Variants in CNTNAP2 observed in about 807,000 individuals in gnomAD.
The protein encoded by CNTNAP2 is contactin-associated protein-like 2.
A neutral mutation model predicts 155.2 loss-of-function variants in CNTNAP2; 98 were observed. The ratio of observed to expected loss-of-function variants is 0.63; its 90% CI spans 0.54 to 0.75. CNTNAP2 has a LOEUF of 0.75. Ranked by LOEUF, CNTNAP2 falls within the 30% of genes least tolerant of loss-of-function variation. The pLI, the probability that CNTNAP2 is intolerant of heterozygous loss-of-function variation, is 0.00. For synonymous variants in CNTNAP2, 651 were observed against 631.2 expected (o/e 1.03, Z -0.47); for missense variants, 1,727 against 1,688.1 (o/e 1.02, Z -0.40).
intron 1 of CNTNAP2, among the ~76,000 whole-genome samples, chr7:146,705,697 A>T (rs1356491728): frequency 6.6e-6 from 1 of 152,142 alleles, no homozygotes; most frequent in East Asian, 1.9e-4. Context: ...GTGGCAGGCA[A>T]GAGAGCTGTG....
chr7:148,011,962 T>A (rs1802089162), intron 15 of CNTNAP2, among the ~76,000 whole-genome samples: 1 of 152,226 alleles, frequency 6.6e-6, no homozygotes, highest in Non-Finnish European at 1.5e-5. Flanking sequence ...CCCAGGGCAC[T>A]TTCCTGTCCC....
At chr7:148,026,165 C>T (rs960083755) in intron 15 of CNTNAP2, among the ~76,000 whole-genome samples, 1 of 152,122 alleles carries the variant, frequency 6.6e-6, no homozygotes, top group Non-Finnish European at 1.5e-5. Flanking sequence ...TTAAAAAATA[C>T]TAGCCAGGTG....
chr7:148,081,779 G>A (rs1317230856), intron 15 of CNTNAP2, among the ~76,000 whole-genome samples: 1 of 152,040 alleles, frequency 6.6e-6, no homozygotes, highest in South Asian at 2.1e-4. Flanking sequence ...TGAGGCCTGA[G>A]GGGGTAGTAA....
At chr7:147,177,148 C>A (rs1034460008) in intron 8 of CNTNAP2, among the ~76,000 whole-genome samples, 3 of 151,168 alleles carry the variant, frequency 2.0e-5, no homozygotes, top group Non-Finnish European at 4.4e-5. Context: ...TACTCCTTTA[C>A]AAAGACCATA....
intron 12 of CNTNAP2, among the ~76,000 whole-genome samples, chr7:147,585,193 G>T (rs1424134087): frequency 6.6e-6 from 1 of 152,002 alleles, no homozygotes; most frequent in African/African-American, 2.4e-5. Context: ...TTACAGACCT[G>T]GGTTGGTTGG....
intron 8 of CNTNAP2, among the ~76,000 whole-genome samples, chr7:147,274,298 G>T (rs1040727743): frequency 1.3e-5 from 2 of 151,882 alleles, no homozygotes; most frequent in Admixed American, 6.6e-5. Context: ...CCTTTTCTCC[G>T]CATCCTTACC....
intron 1 of CNTNAP2, among the ~76,000 whole-genome samples, chr7:146,323,223 A>C (rs1801036501): frequency 6.6e-6 from 1 of 152,036 alleles, no homozygotes; most frequent in Non-Finnish European, 1.5e-5. Flanking sequence ...GTTGAAAGGT[A>C]TTTTCTTGAG....
chr7:146,427,777 G>T (rs973110172), intron 1 of CNTNAP2, among the ~76,000 whole-genome samples: 4 of 152,116 alleles, frequency 2.6e-5, no homozygotes, highest in African/African-American at 9.7e-5. Context: ...ACATGTACAG[G>T]TTATTCAGTT....
At position 147,279,523 on chromosome 7, in the gene CNTNAP2, G is replaced by A. The variant is rs985713012; in HGVS notation, c.1349-20618G>A. On this transcript the variant is annotated intron_variant, in intron 8 of 23. Transcript: ENST00000361727. ...ATCTAGCATCTGATTTCCATAAAAT[G>A]ATAACTTTGTCTTCTTCAGTATCAT... Among the ~76,000 whole-genome samples the A allele has an allele frequency of 4.0e-5, 6 of 151,654 alleles. No individual in the cohort carries two copies. The Admixed American group carries it at 4.0e-4, about 10-fold the overall frequency.
At chr7:146,236,193 A>C (rs1799470613) in intron 1 of CNTNAP2, among the ~76,000 whole-genome samples, 1 of 152,176 alleles carries the variant, frequency 6.6e-6, no homozygotes, top group Non-Finnish European at 1.5e-5. Context: ...ATTAAATAGA[A>C]GTAAGAGTCA....
intron 21 of CNTNAP2, among the ~76,000 whole-genome samples, chr7:148,367,699 A>C (rs769843061): frequency 6.6e-5 from 10 of 152,260 alleles, no homozygotes; most frequent in Non-Finnish European, 7.3e-5. Flanking sequence ...CCTAAGAGTC[A>C]TGATAACATA....
chr7:146,692,740 G>A (rs1401651761), intron 1 of CNTNAP2, among the ~76,000 whole-genome samples: 1 of 152,070 alleles, frequency 6.6e-6, no homozygotes, highest in East Asian at 1.9e-4. Flanking sequence ...CAAAGTTTCT[G>A]TAGCTATCTG....
chr7:147,100,991 G>A (rs1230235392), intron 4 of CNTNAP2, among the ~76,000 whole-genome samples: 1 of 152,192 alleles, frequency 6.6e-6, no homozygotes, highest in Non-Finnish European at 1.5e-5. Flanking sequence ...CTTTCTAGTG[G>A]TGAGGCTTAT....
chr7:146,722,702 C>T (rs558883374), intron 1 of CNTNAP2, among the ~76,000 whole-genome samples: 2 of 149,894 alleles, frequency 1.3e-5, no homozygotes, highest in Non-Finnish European at 2.9e-5. Flanking sequence ...TGCGTCCACA[C>T]ACACACAAAA....
intron 1 of CNTNAP2, among the ~76,000 whole-genome samples, chr7:146,684,638 G>GAAAAAAAAAAAA (rs1800562705): frequency 2.3e-4 from 1 of 4,388 alleles, no homozygotes; most frequent in Non-Finnish European, 5.4e-4. Context: ...TAGATCCAGC[G>GAAAAAAAAAAAA]CAAAAAAAAA....
intron 13 of CNTNAP2, among the ~76,000 whole-genome samples, chr7:147,696,871 CGTAA>C (rs1156537271): frequency 2.0e-5 from 3 of 151,876 alleles, no homozygotes; most frequent in African/African-American, 7.3e-5. Flanking sequence ...AGATGTCAGA[CGTAA>C]TTTTATAAGT....
At chr7:148,059,791 G>A (rs1240367280) in intron 15 of CNTNAP2, among the ~76,000 whole-genome samples, 1 of 148,828 alleles carries the variant, frequency 6.7e-6, no homozygotes, top group African/African-American at 2.5e-5. Context: ...AGTAAGGAGG[G>A]GAATACATAT....
At chr7:148,028,570 C>T (rs186907739) in intron 15 of CNTNAP2, among the ~76,000 whole-genome samples, 26 of 152,236 alleles carry the variant, frequency 1.7e-4, no homozygotes, top group Non-Finnish European at 3.2e-4. Flanking sequence ...AACAAGACCC[C>T]GTCTCAAAAT....
chr7:147,005,542 A>G (rs1168130756), intron 3 of CNTNAP2, among the ~76,000 whole-genome samples: 1 of 152,098 alleles, frequency 6.6e-6, no homozygotes. Context: ...TAAGTCAAAG[A>G]CATGGCTTAG....
Sources: allele counts gnomAD v4.1 joint callset (sites outside exome capture counted in the v4.1 genomes callset), GRCh38; gene constraint gnomAD v4.1.1; transcripts MANE v1.5; gene names NCBI Gene and HGNC (gene_info 2026-07-23, HGNC 2026-07-21).